ANKRD24: variants seen among roughly 807,000 people sequenced by gnomAD.
ANKRD24 encodes ankyrin repeat domain-containing protein 24.
A neutral mutation model predicts 127.8 loss-of-function variants in ANKRD24; 109 were observed. The observed-to-expected ratio is 0.85, with a 90% CI of 0.73 to 1.00. The LOEUF is 1.00. Among genes scored for constraint, ANKRD24 ranks in the 50% least tolerant of loss-of-function variants. ANKRD24 has a pLI of 0.00. For missense variants in ANKRD24, 1,648 were observed against 1,570.2 expected, an observed-to-expected ratio of 1.05 and a Z score of -0.84; for synonymous variants, 743 against 671.1, an observed-to-expected ratio of 1.11 and a Z score of -1.66.
Position 4,216,838 on chromosome 19 carries a change from G to A in ANKRD24, c.1678G>A (p.Glu560Lys), listed in dbSNP as rs367633603. The change falls in exon 18 of 22, where the codon GAG becomes AAG. Residue 560 changes from glutamate (E) to lysine (K), a missense_variant. Transcript: ENST00000318934. The stretch of plus-strand genomic sequence containing the variant: ...TCCAGAAACCAAAGTTAACGGAGCC[G>A]AGACCATAGATGAGGAGGCTGCAGG... ...VAPETKVNGA[E>K]TIDEEAAGDE... 106 of 1,610,266 alleles carry A rather than the reference G, an allele frequency of 6.6e-5. No homozygotes were observed. The Middle Eastern group carries it at 8.3e-4, about 13-fold the overall frequency.
Position 4,193,860 on chromosome 19 carries a change from G to GAAGGAAGT in ANKRD24, c.37-5816_37-5815insTAAGGAAG, listed in dbSNP as rs1237530487. ...GGGAGGGAGGGAGGAAGGAAGGAAGGAAGGAAGGAAGGAAGGAAGGAAGGA... is the reference window on the plus strand; with the variant it reads ...GGGAGGGAGGGAGGAAGGAAGGAAGGAAGGAAGTAAGGAAGGAAGGAAGGAAGGAAGGA... On this transcript the variant is annotated intron_variant, in intron 2 of 21. Transcript: ENST00000318934. 2.1e-4 allele frequency among the ~76,000 whole-genome samples: 30 copies of GAAGGAAGT among 140,774 alleles called. 1 individual carries two copies. Among genetic ancestry groups the GAAGGAAGT allele is most frequent in the Middle Eastern group, 3.5e-3 (1 of 282 alleles). The allele number at this position is 140,774 out of a possible 152,430, so 92.4% of individuals were successfully genotyped here.
In ANKRD24 at chr19:4,217,607, A is replaced by G; in HGVS notation, c.2447A>G (p.Asp816Gly). The G allele has an allele frequency of 7.7e-7, 1 of 1,297,522 alleles. No individual in the cohort carries two copies. The highest frequency in any genetic ancestry group is 9.7e-7 in the Non-Finnish European group (1 of 1,027,152). The allele number at this position is 1,297,522 out of a possible 1,614,324, so 80.4% of individuals were successfully genotyped here. A position where few individuals can be genotyped will look rare whatever the true frequency, so the allele number is the denominator to read the frequency against. The change falls in exon 18 of 22, where the codon GAT (aspartate) becomes GGT (glycine). Residue 816 changes from aspartate to glycine, a missense_variant. Coordinates refer to ENST00000318934, the MANE Select transcript of ANKRD24 (RefSeq NM_001393985.1). ...CTGGAGGCGGCCTCGGCCTGCCTGGATGAGGCTCGGGCCAGCCGGCTGCTG... is the reference window on the plus strand; with the variant it reads ...CTGGAGGCGGCCTCGGCCTGCCTGGGTGAGGCTCGGGCCAGCCGGCTGCTG... ...RELEAASACL[D>G]EARASRLLAE...
intron 2 of ANKRD24, among the ~76,000 whole-genome samples, chr19:4,197,342 CA>C (rs1968805503): frequency 6.7e-6 from 1 of 150,336 alleles, no homozygotes; most frequent in Non-Finnish European, 1.5e-5. Context: ...ATGGGCGTGC[CA>C]ATGAATGAGC....
intron 2 of ANKRD24, among the ~76,000 whole-genome samples, chr19:4,192,491 G>C (rs112498507): frequency 2.0e-5 from 3 of 151,024 alleles, no homozygotes; most frequent in African/African-American, 7.3e-5. Context: ...GATTACAGGC[G>C]TGAGCCACCG....
At position 4,224,614 on chromosome 19, in the gene ANKRD24, C is replaced by A; in HGVS notation, c.*109C>A. The A allele has an allele frequency of 9.2e-7, 1 of 1,087,046 alleles. No individual in the cohort carries two copies. Among genetic ancestry groups the A allele is most frequent in the Non-Finnish European group, 1.3e-6 (1 of 743,206 alleles). The allele number at this position is 1,087,046 out of a possible 1,614,324, so 67.3% of individuals were successfully genotyped here. ...TTGGCTTCACTTGGCCCTATCCAGGCCCATGCACTTGGAGACCAGCCTGGT... is the reference window on the plus strand; with the variant it reads ...TTGGCTTCACTTGGCCCTATCCAGGACCATGCACTTGGAGACCAGCCTGGT... On this transcript the variant is annotated 3_prime_UTR_variant, in exon 22 of 22. Transcript: ENST00000318934.
chr19:4,216,083 G>A (rs374700227), intron 16 of ANKRD24, 33 bp downstream of exon 16: 448 of 1,562,990 alleles, frequency 2.9e-4, no homozygotes, highest in Non-Finnish European at 3.6e-4. Context: ...ACTCCCAGCC[G>A]CCTTGTCCCC....
In ANKRD24 at chr19:4,202,385, A is replaced by G. The variant is rs530057179; in HGVS notation, c.408+295A>G. Among the ~76,000 whole-genome samples the G allele has an allele frequency of 6.9e-4, 105 of 152,184 alleles. 1 individual carries two copies. The South Asian group carries it at 7.1e-3, about 10-fold the overall frequency. ...GGAGTTCGAGACCAGCCTGGCCAAC[A>G]CAGTGAAACCCCGTCTCTACTAAAA... is the stretch of plus-strand genomic sequence containing the variant. On this transcript the variant is annotated intron_variant, in intron 6 of 21. Coordinates refer to ENST00000318934, the MANE Select transcript of ANKRD24 (RefSeq NM_001393985.1).
chr19:4,182,888 C>A (rs908253684), intron 1 of ANKRD24, 148 bp downstream of exon 1: 7 of 408,616 alleles, frequency 1.7e-5, no homozygotes, highest in African/African-American at 4.4e-5. Flanking sequence ...TAGTAAATTC[C>A]GTAAGGACAG....
At chr19:4,193,168 G>C (rs1046120316) in intron 2 of ANKRD24, among the ~76,000 whole-genome samples, 1 of 151,672 alleles carries the variant, frequency 6.6e-6, no homozygotes, top group Non-Finnish European at 1.5e-5. Flanking sequence ...CAGGCGTGGT[G>C]GTGGGCACCT....
At chr19:4,204,681 C>T (rs953045141) in intron 7 of ANKRD24, among the ~76,000 whole-genome samples, 3 of 152,114 alleles carry the variant, frequency 2.0e-5, no homozygotes, top group Admixed American at 6.5e-5. Context: ...CTTTCGCTGA[C>T]GACTCAAGAA....
intron 20 of ANKRD24, among the ~76,000 whole-genome samples, chr19:4,223,401 A>ATATT (rs1192232980): frequency 1.6e-3 from 85 of 53,298 alleles, no homozygotes; most frequent in East Asian, 0.011. Flanking sequence ...ATATATATAT[A>ATATT]TTTTTTTTTT....
At chr19:4,196,580 G>A (rs1425213939) in intron 2 of ANKRD24, among the ~76,000 whole-genome samples, 1 of 152,106 alleles carries the variant, frequency 6.6e-6, no homozygotes, top group African/African-American at 2.4e-5. Flanking sequence ...TCACTATGTT[G>A]GCCAAGCTGT....
In ANKRD24 at chr19:4,188,529, G is replaced by A. The variant is rs551047057; in HGVS notation, c.36+2068G>A. ...CTCCCAAAGTGCAGAGACTATAGGC[G>A]TGCACCACCACACTGGGCTAATTTT... On this transcript the variant is annotated intron_variant, in intron 2 of 21. Coordinates refer to ENST00000318934, the MANE Select transcript of ANKRD24 (RefSeq NM_001393985.1). Among the ~76,000 whole-genome samples, 17 of 151,908 alleles carry A rather than the reference G, an allele frequency of 1.1e-4. No homozygotes were observed. The South Asian group carries it at 2.1e-3, about 19-fold the overall frequency.
At chr19:4,224,346 C>T (rs1970624593) in intron 21 of ANKRD24, 82 bp from the exon 22 acceptor site, 1 of 1,507,838 alleles carries the variant, frequency 6.6e-7, no homozygotes, top group East Asian at 2.4e-5. Context: ...TCCTGGCTGG[C>T]TTGGTCTATG....
intron 18 of ANKRD24, among the ~76,000 whole-genome samples, chr19:4,219,207 AC>A (rs1456947244): frequency 6.6e-6 from 1 of 151,506 alleles, no homozygotes; most frequent in Non-Finnish European, 1.5e-5. Flanking sequence ...AATCGCTTGA[AC>A]CCGGGAAGTG....
intron 13 of ANKRD24, among the ~76,000 whole-genome samples, chr19:4,210,902 C>T (rs891288161): frequency 3.3e-5 from 5 of 151,874 alleles, no homozygotes; most frequent in South Asian, 2.1e-4. Flanking sequence ...GGTACGATCT[C>T]GGCTTATTGC....
At chr19:4,214,003 C>A (rs1021685028) in intron 15 of ANKRD24, among the ~76,000 whole-genome samples, 1 of 152,052 alleles carries the variant, frequency 6.6e-6, no homozygotes, top group East Asian at 1.9e-4. Context: ...ATGCACGTGG[C>A]GGAGCATGGT....
chr19:4,213,737 AC>A (rs2145368763), intron 15 of ANKRD24, among the ~76,000 whole-genome samples: 1 of 151,098 alleles, frequency 6.6e-6, no homozygotes, highest in East Asian at 2.0e-4. Context: ...TTCAAGTGAT[AC>A]TCCTGCCTAC....
chr19:4,212,621 C>T lies in ANKRD24; in HGVS notation c.1120C>T (p.Leu374=), dbSNP rs1969807944. 2.6e-6 allele frequency: 4 copies of T among 1,551,092 alleles called. No homozygotes were observed. Among genetic ancestry groups the T allele is most frequent in the Non-Finnish European group, 3.5e-6 (4 of 1,147,034 alleles). ...CCAGGTGCAAGAGCTACAGCAGTTG[C>T]TGGTGGAGAGACAAGAGGAGAAGGA... ...ERQVQELQQL[L]VERQEEKESL... is the part of the protein sequence containing the mutation. Residue 374 remains leucine (L), a synonymous_variant, in exon 15 of 22, where the codon CTG becomes TTG. Transcript: ENST00000318934.
Sources: allele counts gnomAD v4.1 joint callset (sites outside exome capture counted in the v4.1 genomes callset), GRCh38; gene constraint gnomAD v4.1.1; transcripts MANE v1.5; gene names NCBI Gene and HGNC (gene_info 2026-07-23, HGNC 2026-07-21).